COL5A1: variants seen among roughly 807,000 people sequenced by gnomAD.
COL5A1 encodes the protein collagen alpha-1(V) chain.
A neutral mutation model predicts 263.7 loss-of-function variants in COL5A1; 16 were observed. That is an observed-to-expected ratio of 0.06 (90% confidence interval 0.04 to 0.09). COL5A1 has a LOEUF of 0.09. COL5A1 is among the 10% of genes least tolerant of loss of function. The pLI is 1.00. For synonymous variants in COL5A1, 1,012 were observed against 1,004.5 expected (o/e 1.01, Z -0.14); for missense variants, 2,036 against 2,540.5 (o/e 0.80, Z 4.27).
chr9:134,795,427 A>T, intron 34 of COL5A1, 112 bp downstream of exon 34: 2 of 894,948 alleles, frequency 2.2e-6, no homozygotes, highest in East Asian at 5.2e-5. Context: ...AAAAAAAAAA[A>T]GGCAGGACAT....
rs532658509 is a variant in COL5A1, at chr9:134,720,746, T to C, written c.655-6520T>C. 4.6e-5 allele frequency among the ~76,000 whole-genome samples: 7 copies of C among 152,272 alleles called. No individual in the cohort carries two copies. The East Asian group carries it at 1.4e-3, about 29-fold the overall frequency. ...TGGGGAGACTGTGGCTCCCAGGGGC[T>C]GGTTGCCTGGCTGGTAGGTGGCTGG... On this transcript the variant is annotated intron_variant, in intron 4 of 65. Transcript: ENST00000371817.
intron 18 of COL5A1, among the ~76,000 whole-genome samples, chr9:134,759,835 CACTCACGCACACCCCCACACCCCCA>C (rs1836226185): frequency 1.1e-5 from 1 of 87,856 alleles, no homozygotes; most frequent in Non-Finnish European, 2.1e-5. Context: ...CACACCCCCC[CACTCACGCACACCCCCACACCCCCA>C]CACTCACACA....
Position 134,772,815 on chromosome 9 carries a change from C to G in COL5A1, c.2312C>G (p.Pro771Arg), listed in dbSNP as rs1554797269. ...PPGHPGKEGP[P>R]GEKGGQGPPG... is the part of the protein sequence containing the mutation. ...GGACACCCTGGCAAAGAAGGCCCTCCAGGAGAGAAAGGAGGTCAGGTGGGT... is the reference window on the plus strand; with the variant it reads ...GGACACCCTGGCAAAGAAGGCCCTCGAGGAGAGAAAGGAGGTCAGGTGGGT... The change falls in exon 26 of 66, where the codon CCA becomes CGA. Residue 771 changes from proline to arginine, a missense_variant. By Grantham distance (103) the Pro-to-Arg change is moderately radical (BLOSUM62 -2). Coordinates refer to ENST00000371817, the MANE Select transcript of COL5A1 (RefSeq NM_000093.5). The G allele has an allele frequency of 6.2e-7, 1 of 1,614,028 alleles. No individual in the cohort carries two copies. Among genetic ancestry groups the G allele is most frequent in the Non-Finnish European group, 8.5e-7 (1 of 1,180,030 alleles).
chr9:134,685,408 ATTAATT>A (rs1564386385), intron 1 of COL5A1, among the ~76,000 whole-genome samples: 37 of 73,688 alleles, frequency 5.0e-4, no homozygotes, highest in Middle Eastern at 0.01. Context: ...CCATCCATCC[ATTAATT>A]CATCCATCCA....
chr9:134,801,898 G>A, intron 37 of COL5A1, 56 bp from the exon 38 acceptor site: 1 of 1,521,780 alleles, frequency 6.6e-7, no homozygotes, highest in South Asian at 1.1e-5. Flanking sequence ...AACAGTGCAG[G>A]GCAGGGTGGC....
intron 11 of COL5A1, among the ~76,000 whole-genome samples, chr9:134,739,113 A>G (rs576917738): frequency 2.0e-5 from 3 of 152,190 alleles, no homozygotes; most frequent in Non-Finnish European, 4.4e-5. Flanking sequence ...ACCACAGCAG[A>G]TGGCTCCGGG....
intron 65 of COL5A1, among the ~76,000 whole-genome samples, chr9:134,835,774 G>A (rs1026476365): frequency 5.3e-5 from 8 of 152,200 alleles, no homozygotes; most frequent in African/African-American, 1.7e-4. Context: ...TGGTATTGGC[G>A]CTCATACCCA....
chr9:134,775,416 G>A (rs1016705377), intron 27 of COL5A1, among the ~76,000 whole-genome samples: 21 of 152,244 alleles, frequency 1.4e-4, no homozygotes, highest in African/African-American at 3.9e-4. Context: ...GTCGCAAGGC[G>A]GAGTTCATGG....
chr9:134,657,650 G>C (rs1476638441), intron 1 of COL5A1, among the ~76,000 whole-genome samples: 1 of 135,052 alleles, frequency 7.4e-6, no homozygotes, highest in African/African-American at 2.8e-5. Flanking sequence ...AGGGGGTGCA[G>C]TTTATAGATA....
intron 65 of COL5A1, among the ~76,000 whole-genome samples, chr9:134,840,691 A>G (rs1839998005): frequency 6.6e-6 from 1 of 152,160 alleles, no homozygotes; most frequent in Non-Finnish European, 1.5e-5. Context: ...ACAGTTCTGG[A>G]GGCTGGAAGT....
intron 65 of COL5A1, among the ~76,000 whole-genome samples, chr9:134,838,896 C>T (rs1048900140): frequency 6.6e-6 from 1 of 152,174 alleles, no homozygotes; most frequent in Non-Finnish European, 1.5e-5. Flanking sequence ...GGGTGCGGGG[C>T]GGCCATGGGG....
chr9:134,748,035 G>GCATT (rs1835624864), intron 11 of COL5A1, among the ~76,000 whole-genome samples: 1 of 133,686 alleles, frequency 7.5e-6, no homozygotes, highest in Non-Finnish European at 1.6e-5. Flanking sequence ...TCATACACAT[G>GCATT]CAGACACATG....
rs776172531 is a variant in COL5A1, at chr9:134,642,893, G to A, written c.109+597G>A. Among the ~76,000 whole-genome samples, 13 of 152,258 alleles carry A rather than the reference G, an allele frequency of 8.5e-5. No homozygotes were observed. The highest frequency in any genetic ancestry group is 1.6e-4 in the Non-Finnish European group (11 of 68,044). On this transcript the variant is annotated intron_variant, in intron 1 of 65. Transcript: ENST00000371817. The surrounding 1 kb of genome is among the most constrained non-coding windows in gnomAD (Gnocchi z 4.5). ...TTCGGGGGCACTGGGGACCCCTGCAGGGTGGTAGACAGCCCTGCTCCTAAT... is the reference window on the plus strand; with the variant it reads ...TTCGGGGGCACTGGGGACCCCTGCAAGGTGGTAGACAGCCCTGCTCCTAAT...
At chr9:134,826,521 CATGTGGATGAGT>C (rs1564488741) in intron 63 of COL5A1, among the ~76,000 whole-genome samples, 1 of 150,990 alleles carries the variant, frequency 6.6e-6, no homozygotes, top group African/African-American at 2.4e-5. Flanking sequence ...TGTGTGGGCA[CATGTGGATGAGT>C]GTGTGGATGG....
Position 134,789,633 on chromosome 9 carries a change from T to C in COL5A1, c.2700+425T>C, listed in dbSNP as rs9409920. Among the ~76,000 whole-genome samples, 76,337 of 152,128 alleles carry C rather than the reference T, an allele frequency of 0.5. 19,638 individuals are homozygous for C. The highest frequency in any genetic ancestry group is 0.56 in the Admixed American group (8,532 of 15,284). On this transcript the variant is annotated intron_variant, in intron 32 of 65. Transcript: ENST00000371817. The surrounding 1 kb of genome is among the most constrained non-coding windows in gnomAD (Gnocchi z 4.8). ...TAACCGTCGTCCAAATTTAAAGTCATTTAAATTAACATTAACTTGGACGGG... is the reference window on the plus strand; with the variant it reads ...TAACCGTCGTCCAAATTTAAAGTCACTTAAATTAACATTAACTTGGACGGG...
intron 4 of COL5A1, among the ~76,000 whole-genome samples, chr9:134,707,796 T>A (rs1450046018): frequency 1.3e-5 from 2 of 152,100 alleles, no homozygotes; most frequent in Non-Finnish European, 2.9e-5. Flanking sequence ...CAGGCTTGGG[T>A]CTAGGGCAGC....
At position 134,677,928 on chromosome 9, in the gene COL5A1, TTC is replaced by T. The variant is rs1329149645; in HGVS notation, c.110-12980_110-12979del. Among the ~76,000 whole-genome samples, 2 of 152,220 alleles carry T rather than the reference TTC, an allele frequency of 1.3e-5. No individual in the cohort carries two copies. The highest frequency in any genetic ancestry group is 2.9e-5 in the Non-Finnish European group (2 of 68,038). On this transcript the variant is annotated intron_variant, in intron 1 of 65. Coordinates refer to ENST00000371817, the MANE Select transcript of COL5A1 (RefSeq NM_000093.5). This position sits in a 1 kb window ranked among gnomAD's most constrained non-coding sequence, Gnocchi z 4.4. The stretch of plus-strand genomic sequence containing the variant: ...TGTTCCACCGCTGGGGGTCTCAAGA[TTC>T]TCTGTCGCCCCATAGCTTGGGTATG...
At chr9:134,840,746 C>G (rs1469451916) in intron 65 of COL5A1, among the ~76,000 whole-genome samples, 1 of 152,202 alleles carries the variant, frequency 6.6e-6, no homozygotes, top group African/African-American at 2.4e-5. Flanking sequence ...GAGCTCCCCT[C>G]TGGGCTGCAG....
chr9:134,656,532 T>C (rs564775766), intron 1 of COL5A1, among the ~76,000 whole-genome samples: 1 of 152,268 alleles, frequency 6.6e-6, no homozygotes, highest in African/African-American at 2.4e-5. Context: ...GACTGGCAGC[T>C]GTGAGGATCT....
Sources: gnomAD v4.1 joint callset for allele counts (sites outside exome capture counted in the v4.1 genomes callset) on GRCh38, gnomAD v4.1.1 for gene constraint, Gnocchi (gnomAD v3.1) non-coding constraint, MANE v1.5 for transcripts, NCBI Gene and HGNC (gene_info 2026-07-23, HGNC 2026-07-21) for gene names.